CTNND2: variants seen among roughly 807,000 people sequenced by gnomAD.
CTNND2 encodes the protein catenin delta-2.
In CTNND2, 22 loss-of-function variants were observed where a neutral mutation model predicts 144.4. The observed-to-expected ratio is 0.15, with a 90% CI of 0.11 to 0.22. CTNND2 has a LOEUF of 0.22. CTNND2 is among the 10% of genes least tolerant of loss of function. The probability of loss-of-function intolerance (pLI) is 1.00; values close to 1 mark genes in which losing one functional copy is unlikely to be tolerated. For missense variants in CTNND2, 1,353 were observed against 1,618.8 expected, an observed-to-expected ratio of 0.84 and a Z score of 2.82; for synonymous variants, 751 against 695.6, an observed-to-expected ratio of 1.08 and a Z score of -1.25.
intron 1 of CTNND2, among the ~76,000 whole-genome samples, chr5:11,827,168 C>T (rs1947610): frequency 0.078 from 11,840 of 152,142 alleles, 1,287 homozygotes; most frequent in African/African-American, 0.25. Context: ...TTACAACATG[C>T]GGACATCTGA....
chr5:11,632,896 T>C (rs572237618), intron 2 of CTNND2, among the ~76,000 whole-genome samples: 2 of 152,218 alleles, frequency 1.3e-5, no homozygotes, highest in South Asian at 4.1e-4. Flanking sequence ...AAAGTTAAGC[T>C]GGAAGAAGAA....
At chr5:11,632,651 A>G (rs1362315071) in intron 2 of CTNND2, among the ~76,000 whole-genome samples, 6 of 152,164 alleles carry the variant, frequency 3.9e-5, no homozygotes, top group Non-Finnish European at 8.8e-5. Flanking sequence ...CCTCTGAAGG[A>G]GCCTAGATGG....
intron 3 of CTNND2, among the ~76,000 whole-genome samples, chr5:11,437,788 C>G (rs1763899689): frequency 6.6e-6 from 1 of 152,132 alleles, no homozygotes; most frequent in Non-Finnish European, 1.5e-5. Flanking sequence ...CAATATTTGG[C>G]ATTTATTCTG....
In CTNND2 at chr5:11,590,626, C is replaced by T. The variant is rs559176724; in HGVS notation, c.175-25570G>A. 4.6e-5 allele frequency among the ~76,000 whole-genome samples: 7 copies of T among 152,162 alleles called. No individual in the cohort carries two copies. The South Asian group carries it at 1.5e-3, about 32-fold the overall frequency. ...TACCCTGCCCTTGTGACAATACACC[C>T]TCCCTGCCCTTGTAAATGTACTTTG... On this transcript the variant is annotated intron_variant, in intron 2 of 21. Coordinates refer to ENST00000304623, the MANE Select transcript of CTNND2 (RefSeq NM_001332.4).
At chr5:11,361,070 G>T (rs1035137785) in intron 8 of CTNND2, among the ~76,000 whole-genome samples, 1 of 152,260 alleles carries the variant, frequency 6.6e-6, no homozygotes, top group East Asian at 1.9e-4. Flanking sequence ...GCCCAGGCTG[G>T]AGTGCAGTGG....
At chr5:11,732,366 AGT>A in intron 1 of CTNND2, 94 bp from the exon 2 acceptor site, 1 of 1,269,700 alleles carries the variant, frequency 7.9e-7, no homozygotes, top group Non-Finnish European at 1.1e-6. Context: ...CAGAAAAAAA[AGT>A]AAAACTATAA....
At chr5:11,028,000 T>C (rs1007655329) in intron 16 of CTNND2, among the ~76,000 whole-genome samples, 3 of 152,224 alleles carry the variant, frequency 2.0e-5, no homozygotes, top group Admixed American at 1.3e-4. Flanking sequence ...GGTTTTCGCA[T>C]TGGTGGCAGG....
intron 9 of CTNND2, among the ~76,000 whole-genome samples, chr5:11,334,145 G>C (rs975998004): frequency 2.0e-5 from 3 of 152,108 alleles, no homozygotes; most frequent in Non-Finnish European, 4.4e-5. Context: ...ACATAGGTAA[G>C]GTAAAGAAGA....
rs78336127 is a variant in CTNND2 at position 11,506,970 on chromosome 5, C to T, written c.287+57974G>A. ...TCTACTTCCCCCTCAACCCTTACAT[C>T]GAATTAGTTGTCAAGCTTTACCTCT... is the stretch of plus-strand genomic sequence containing the variant. On this transcript the variant is annotated intron_variant, in intron 3 of 21. Transcript: ENST00000304623. Among the ~76,000 whole-genome samples the T allele has an allele frequency of 5.4e-3, 815 of 152,326 alleles. 10 individuals carry two copies. The highest frequency in any genetic ancestry group is 0.018 in the African/African-American group (768 of 41,566).
intron 3 of CTNND2, among the ~76,000 whole-genome samples, chr5:11,559,674 C>G (rs572482864): frequency 6.6e-6 from 1 of 152,258 alleles, no homozygotes; most frequent in Non-Finnish European, 1.5e-5. Flanking sequence ...GGAGGGTGCA[C>G]AAGGGCATGG....
chr5:11,085,027 C>G (rs1048299087), intron 15 of CTNND2, among the ~76,000 whole-genome samples: 3 of 152,152 alleles, frequency 2.0e-5, no homozygotes, highest in African/African-American at 4.8e-5. Context: ...CTGGCCACAT[C>G]TGAAATGAGC....
chr5:11,740,996 T>C (rs1288554908), intron 1 of CTNND2, among the ~76,000 whole-genome samples: 1 of 152,124 alleles, frequency 6.6e-6, no homozygotes, highest in Non-Finnish European at 1.5e-5. Context: ...ATCAGAGAAA[T>C]GCAAATCAAA....
At chr5:11,671,024 T>G (rs1281164618) in intron 2 of CTNND2, among the ~76,000 whole-genome samples, 3 of 152,220 alleles carry the variant, frequency 2.0e-5, no homozygotes, top group Non-Finnish European at 4.4e-5. Flanking sequence ...TTATTTCTCC[T>G]TCGTTTATGA....
chr5:11,100,579 G>A (rs942130742), intron 14 of CTNND2, among the ~76,000 whole-genome samples: 1 of 152,204 alleles, frequency 6.6e-6, no homozygotes, highest in African/African-American at 2.4e-5. Flanking sequence ...CAAAGCAGTA[G>A]CAATATTGGC....
At chr5:11,573,493 A>G (rs1777740465) in intron 2 of CTNND2, among the ~76,000 whole-genome samples, 1 of 152,182 alleles carries the variant, frequency 6.6e-6, no homozygotes, top group African/African-American at 2.4e-5. Context: ...AAGTGGCACA[A>G]ATGACAGGGT....
chr5:11,504,057 G>C (rs1770775844), intron 3 of CTNND2, among the ~76,000 whole-genome samples: 1 of 152,132 alleles, frequency 6.6e-6, no homozygotes, highest in Non-Finnish European at 1.5e-5. Context: ...AAAACATAGA[G>C]AGTGCTAAAG....
At chr5:11,728,906 T>G (rs963071223) in intron 2 of CTNND2, among the ~76,000 whole-genome samples, 6 of 152,146 alleles carry the variant, frequency 3.9e-5, no homozygotes, top group Non-Finnish European at 7.4e-5. Flanking sequence ...AGAAACAACT[T>G]AGCTTTCACT....
intron 2 of CTNND2, among the ~76,000 whole-genome samples, chr5:11,645,087 T>C (rs183032612): frequency 2.1e-4 from 32 of 152,170 alleles, no homozygotes; most frequent in Admixed American, 7.9e-4. Flanking sequence ...TGCCTCAGTA[T>C]CTCAGATGGC....
At chr5:11,554,011 A>G (rs1048349125) in intron 3 of CTNND2, among the ~76,000 whole-genome samples, 2 of 152,174 alleles carry the variant, frequency 1.3e-5, no homozygotes, top group African/African-American at 4.8e-5. Flanking sequence ...AAAGTATTCA[A>G]CCTTTCTAAG....
Sources: allele counts gnomAD v4.1 joint callset (sites outside exome capture counted in the v4.1 genomes callset), GRCh38; gene constraint gnomAD v4.1.1; transcripts MANE v1.5; gene names NCBI Gene and HGNC (gene_info 2026-07-23, HGNC 2026-07-21).